The following NR3C2 variants were observed in gnomAD, a reference collection of about 807,000 sequenced individuals.
NR3C2 encodes nuclear receptor subfamily 3 group C member 2, also known as mineralocorticoid receptor.
NR3C2 carries 15 observed loss-of-function variants against 86.4 expected under a neutral mutation model. That is an observed-to-expected ratio of 0.17 (90% CI 0.12 to 0.27). The LOEUF is 0.27. Among genes scored for constraint, NR3C2 ranks in the 10% least tolerant of loss-of-function variants. The probability of loss-of-function intolerance (pLI) is 1.00; values close to 1 mark genes in which losing one functional copy is unlikely to be tolerated. For missense variants in NR3C2, 960 were observed against 1,195.6 expected (o/e 0.80, Z 2.91); for synonymous variants, 458 against 450.5 (o/e 1.02, Z -0.21).
chr4:148,366,504 A>G (rs1455572216), intron 2 of NR3C2, among the ~76,000 whole-genome samples: 2 of 2,578 alleles, frequency 7.8e-4, no homozygotes, highest in Non-Finnish European at 7.7e-4. Context: ...AAAGAATACT[A>G]AGATATTCTA....
At chr4:148,224,477 G>A (rs1364080234) in intron 3 of NR3C2, among the ~76,000 whole-genome samples, 1 of 152,198 alleles carries the variant, frequency 6.6e-6, no homozygotes, top group East Asian at 1.9e-4. Flanking sequence ...TCTCCAGTTA[G>A]AACGAGTGAG....
chr4:148,358,111 C>G (rs1015787953), intron 2 of NR3C2, among the ~76,000 whole-genome samples: 1 of 152,066 alleles, frequency 6.6e-6, no homozygotes, highest in Admixed American at 6.6e-5. Flanking sequence ...CCCAGCCATC[C>G]CATTACTGGG....
intron 2 of NR3C2, among the ~76,000 whole-genome samples, chr4:148,350,863 A>G (rs1236195871): frequency 6.6e-6 from 1 of 152,188 alleles, no homozygotes; most frequent in Admixed American, 6.5e-5. Flanking sequence ...TGCATAAAAT[A>G]TCCTTCTATT....
intron 2 of NR3C2, among the ~76,000 whole-genome samples, chr4:148,385,244 C>T (rs1747203377): frequency 6.6e-6 from 1 of 152,176 alleles, no homozygotes; most frequent in African/African-American, 2.4e-5. Context: ...TAGGAAGAAA[C>T]TCTATGCATC....
intron 2 of NR3C2, among the ~76,000 whole-genome samples, chr4:148,292,480 C>T (rs938432099): frequency 3.3e-5 from 5 of 151,740 alleles, no homozygotes; most frequent in Admixed American, 6.6e-5. Context: ...TAAAATAGAT[C>T]GAAAAGAAAA....
rs1281076876 is a variant in NR3C2, at chr4:148,404,987, T to C, written c.1757+30117A>G. On this transcript the variant is annotated intron_variant, in intron 2 of 8. Transcript: ENST00000358102. ...ACTCATGTATTAGATGTTTACCAAA[T>C]TATGTCAGTATACAAAGTTACTGAA... 2.0e-5 allele frequency among the ~76,000 whole-genome samples: 3 copies of C among 152,200 alleles called. No homozygotes were observed. The East Asian group carries it at 5.8e-4, about 29-fold the overall frequency.
intron 2 of NR3C2, among the ~76,000 whole-genome samples, chr4:148,393,296 A>G (rs1247515712): frequency 6.6e-6 from 1 of 152,238 alleles, no homozygotes; most frequent in Non-Finnish European, 1.5e-5. Flanking sequence ...ATCCTAAATC[A>G]GTGGTTCTTG....
chr4:148,325,103 GGAGAGACAGAGA>G (rs1743887430), intron 2 of NR3C2, among the ~76,000 whole-genome samples: 1 of 144,772 alleles, frequency 6.9e-6, no homozygotes, highest in African/African-American at 2.7e-5. Context: ...GGAGCATAGT[GGAGAGACAGAGA>G]GAGAGAGAGG....
intron 2 of NR3C2, among the ~76,000 whole-genome samples, chr4:148,362,370 A>C (rs1745881066): frequency 6.6e-6 from 1 of 152,222 alleles, no homozygotes; most frequent in Non-Finnish European, 1.5e-5. Flanking sequence ...TGAATGTATT[A>C]ATTACCTTGA....
intron 3 of NR3C2, among the ~76,000 whole-genome samples, chr4:148,224,694 G>A (rs1738051675): frequency 6.6e-6 from 1 of 152,174 alleles, no homozygotes; most frequent in Non-Finnish European, 1.5e-5. Flanking sequence ...TCCCAGCTCT[G>A]CCATGTCTTA....
chr4:148,232,458 T>C (rs369890478), intron 3 of NR3C2, among the ~76,000 whole-genome samples: 2 of 152,352 alleles, frequency 1.3e-5, no homozygotes, highest in East Asian at 3.9e-4. Flanking sequence ...GTCTTAACAG[T>C]GGACTTAAAA....
intron 7 of NR3C2, among the ~76,000 whole-genome samples, chr4:148,119,416 G>C (rs1560931201): frequency 2.0e-5 from 3 of 152,134 alleles, no homozygotes; most frequent in Non-Finnish European, 4.4e-5. Flanking sequence ...CAGATCCCCA[G>C]AACTGAATGT....
At chr4:148,235,933 C>T (rs982076) in intron 3 of NR3C2, among the ~76,000 whole-genome samples, 32,589 of 152,116 alleles carry the variant, frequency 0.21, 4,326 homozygotes, top group East Asian at 0.49. Context: ...ATATTTCTTC[C>T]TTGCCAACAT....
intron 8 of NR3C2, among the ~76,000 whole-genome samples, chr4:148,107,654 T>TACTA (rs1731863394): frequency 6.6e-6 from 1 of 152,152 alleles, no homozygotes; most frequent in Non-Finnish European, 1.5e-5. Flanking sequence ...CACCATCGAA[T>TACTA]ACTACACAGC....
intron 6 of NR3C2, among the ~76,000 whole-genome samples, chr4:148,120,718 G>A (rs77309173): frequency 1.9e-4 from 29 of 152,302 alleles, no homozygotes; most frequent in African/African-American, 5.5e-4. Context: ...TACGAACATA[G>A]GATGGGGATG....
chr4:148,242,653 C>A (rs986091269), intron 3 of NR3C2, among the ~76,000 whole-genome samples: 10 of 152,160 alleles, frequency 6.6e-5, no homozygotes, highest in African/African-American at 2.4e-4. Context: ...TTCTTTTTCT[C>A]TAAAATTTTA....
At chr4:148,303,688 G>A (rs1254279143) in intron 2 of NR3C2, among the ~76,000 whole-genome samples, 1 of 152,044 alleles carries the variant, frequency 6.6e-6, no homozygotes, top group African/African-American at 2.4e-5. Context: ...GGATCTGAGG[G>A]ATCCAGAGGC....
In NR3C2 at chr4:148,435,175, T is replaced by G. The variant is rs1456002649; in HGVS notation, c.1686A>C (p.Ser562=). The change falls in exon 2 of 9, where the codon TCA becomes TCC. Residue 562 remains serine (S), a synonymous_variant. Transcript: ENST00000358102. ...PVNTLVESWK[S]HGDLSSRRSD... The stretch of plus-strand genomic sequence containing the variant: ...TTCTTCTAGACGACAGGTCGCCGTG[T>G]GATTTCCATGACTCCACTAAAGTAT... 1 of 1,614,206 alleles carries G rather than the reference T, an allele frequency of 6.2e-7. No individual in the cohort carries two copies.
At chr4:148,290,190 A>T (rs1182357615) in intron 2 of NR3C2, among the ~76,000 whole-genome samples, 1 of 152,166 alleles carries the variant, frequency 6.6e-6, no homozygotes, top group Non-Finnish European at 1.5e-5. Context: ...CTCTATACAC[A>T]GAGGATGCAC....
Sources: allele counts gnomAD v4.1 joint callset (sites outside exome capture counted in the v4.1 genomes callset), GRCh38; gene constraint gnomAD v4.1.1; transcripts MANE v1.5; gene names NCBI Gene and HGNC (gene_info 2026-07-23, HGNC 2026-07-21).